The following AP3D1 variants were observed in gnomAD, a reference collection of about 807,000 sequenced individuals.
AP3D1 encodes adaptor related protein complex 3 subunit delta 1.
In AP3D1, 51 loss-of-function variants were observed where a neutral mutation model predicts 147.6. The ratio of observed to expected loss-of-function variants is 0.35; its 90% CI spans 0.28 to 0.44. The LOEUF (loss-of-function observed/expected upper bound fraction) is 0.44, where lower values mean the gene tolerates loss of function less well. AP3D1 is among the 20% of genes least tolerant of loss of function. The probability of loss-of-function intolerance (pLI) is 1.00; values close to 1 mark genes in which losing one functional copy is unlikely to be tolerated. For synonymous variants in AP3D1, 760 were observed against 663.0 expected (o/e 1.15, Z -2.25); for missense variants, 1,421 against 1,624.2 (o/e 0.87, Z 2.15).
intron 1 of AP3D1, among the ~76,000 whole-genome samples, chr19:2,161,974 C>A (rs1054051461): frequency 1.3e-5 from 2 of 149,944 alleles, no homozygotes; most frequent in African/African-American, 2.4e-5. Context: ...AATAAAAAGA[C>A]CAGCCTGGGT....
chr19:2,121,698 G>A (rs952597135), intron 12 of AP3D1, 36 bp downstream of exon 12: 5 of 1,542,556 alleles, frequency 3.2e-6, no homozygotes, highest in African/African-American at 2.8e-5. Context: ...AGAGAACTAA[G>A]GCCAGGCGGG....
chr19:2,130,546 C>G lies in AP3D1; in HGVS notation c.463-9G>C. ...GGCTTGGTGTGTGACATCTGCGGGGCAGCGGGCTTCAGCCTGCGCGGGCTT... is the reference window on the plus strand; with the variant it reads ...GGCTTGGTGTGTGACATCTGCGGGGGAGCGGGCTTCAGCCTGCGCGGGCTT... On this transcript the variant is annotated splice_polypyrimidine_tract_variant and intron_variant, in intron 5 of 31. Coordinates refer to ENST00000643116, the MANE Select transcript of AP3D1 (RefSeq NM_001261826.3). The G allele has an allele frequency of 6.2e-7, 1 of 1,613,610 alleles. No homozygotes were observed. The highest frequency in any genetic ancestry group is 1.1e-5 in the South Asian group (1 of 91,088).
At chr19:2,125,079 G>A (rs995499366) in intron 9 of AP3D1, among the ~76,000 whole-genome samples, 1 of 152,088 alleles carries the variant, frequency 6.6e-6, no homozygotes, top group Non-Finnish European at 1.5e-5. Context: ...AGAAATCACC[G>A]CTAAAGAACT....
chr19:2,129,741 G>A (rs1197557825), intron 6 of AP3D1, among the ~76,000 whole-genome samples: 9 of 152,340 alleles, frequency 5.9e-5, no homozygotes, highest in South Asian at 2.1e-4. Context: ...GCCTGACAGC[G>A]GCCCTCTGAG....
chr19:2,111,509 G>C, intron 25 of AP3D1, 170 bp downstream of exon 25: 1 of 1,202,400 alleles, frequency 8.3e-7, no homozygotes, highest in Non-Finnish European at 1.2e-6. Flanking sequence ...CCCACCACGG[G>C]GGTGCCTAAT....
chr19:2,111,590 T>C, intron 25 of AP3D1, 89 bp downstream of exon 25: 2 of 1,454,758 alleles, frequency 1.4e-6, no homozygotes, highest in East Asian at 2.5e-5. Flanking sequence ...TGCTCAGTTC[T>C]CTCCCGCATG....
rs1453784698 is a variant in AP3D1 at position 2,101,823 on chromosome 19, C to T, written c.*350G>A. 2 of 266,946 alleles carry T rather than the reference C, an allele frequency of 7.5e-6. No homozygotes were observed. The highest frequency in any genetic ancestry group is 2.3e-5 in the African/African-American group (1 of 43,806). The allele number at this position is 266,946 out of a possible 1,614,324, so 16.5% of individuals were successfully genotyped here. On this transcript the variant is annotated 3_prime_UTR_variant, in exon 32 of 32. Transcript: ENST00000643116. ...CGCCCTGTCCACCAAGTGCCCCTCA[C>T]GTGGTGCCCATCAGGCCCTGGCCCA...
intron 31 of AP3D1, among the ~76,000 whole-genome samples, chr19:2,102,803 C>T (rs1568269800): frequency 6.6e-6 from 1 of 151,224 alleles, no homozygotes; most frequent in Non-Finnish European, 1.5e-5. Flanking sequence ...AAAAATGTGC[C>T]GGGCATCGTG....
chr19:2,121,613 A>G, intron 12 of AP3D1, 121 bp downstream of exon 12: 2 of 1,367,380 alleles, frequency 1.5e-6, no homozygotes, highest in Non-Finnish European at 1.9e-6. Context: ...CTGCCCCACC[A>G]CACTAACTGA....
chr19:2,121,664 T>C, intron 12 of AP3D1, 70 bp downstream of exon 12: 1 of 1,515,392 alleles, frequency 6.6e-7, no homozygotes, highest in Non-Finnish European at 8.8e-7. Context: ...CACGTGGCTC[T>C]GCACCTGACA....
rs925756556 is a variant in AP3D1 at position 2,111,808 on chromosome 19, C to G, written c.2808G>C (p.Lys936Asn). 2.5e-6 allele frequency: 4 copies of G among 1,613,958 alleles called. No homozygotes were observed. The Admixed American group carries it at 6.7e-5, about 27-fold the overall frequency. The change falls in exon 25 of 32, where the codon AAG becomes AAC. Residue 936 changes from lysine to asparagine, a missense_variant. This residue lies in a region of AP3D1 where 791 missense variants were observed against 761.4 expected (regional missense o/e 1.04). Coordinates refer to ENST00000643116, the MANE Select transcript of AP3D1 (RefSeq NM_001261826.3). ...CCTCCTTCTCCTTCCTGTGCTTCTT[C>G]TTCTTAGGCTTGGGAGATTTCTGGA... Reference protein sequence around the residue: ...DQDKKSPKPKKKKHRKEKEER... With the variant: ...DQDKKSPKPKNKKHRKEKEER...
In AP3D1 at chr19:2,129,259, A is replaced by G. The variant is rs372793853; in HGVS notation, c.732+59T>C. 53 of 1,596,846 alleles carry G rather than the reference A, an allele frequency of 3.3e-5. No individual in the cohort carries two copies. The African/African-American group carries it at 5.6e-4, about 17-fold the overall frequency. ...CGGTCACCCGCAGGGAATGCCCCAC[A>G]CAGGGTGAGGGAATGCCCCACACAG... On this transcript the variant is annotated intron_variant, in intron 7 of 31. Transcript: ENST00000643116.
intron 1 of AP3D1, among the ~76,000 whole-genome samples, chr19:2,140,427 C>T (rs1045404302): frequency 1.3e-5 from 2 of 152,024 alleles, no homozygotes; most frequent in African/African-American, 2.4e-5. Context: ...ACGCTCGCCG[C>T]TGATGAATGG....
chr19:2,163,772 T>G (rs36065733), intron 1 of AP3D1, among the ~76,000 whole-genome samples: 70,818 of 150,832 alleles, frequency 0.47, 16,766 homozygotes, highest in Non-Finnish European at 0.49. Flanking sequence ...GTGCGTACGT[T>G]CGTGCGTGCG....
chr19:2,127,317 C>T (rs1038296973), intron 8 of AP3D1, 116 bp from the exon 9 acceptor site: 15 of 1,128,958 alleles, frequency 1.3e-5, no homozygotes, highest in African/African-American at 1.1e-4. Flanking sequence ...AGGGAGTGTG[C>T]CCCAGGAGGG....
At chr19:2,115,648 C>T (rs200177985) in intron 18 of AP3D1, 35 bp from the exon 19 acceptor site, 9 of 1,593,148 alleles carry the variant, frequency 5.6e-6, no homozygotes, top group East Asian at 4.5e-5. Context: ...ACCGGTGCAC[C>T]GAGGGGTGAC....
intron 1 of AP3D1, among the ~76,000 whole-genome samples, chr19:2,148,591 C>T (rs1262706019): frequency 3.3e-5 from 5 of 152,218 alleles, no homozygotes; most frequent in Admixed American, 1.3e-4. Context: ...CAGAAAACCG[C>T]GTGTCACTGC....
rs541531150 is a variant in AP3D1, at chr19:2,103,666, G to A, written c.3553-1398C>T. On this transcript the variant is annotated intron_variant, in intron 31 of 31. Transcript: ENST00000643116. The stretch of plus-strand genomic sequence containing the variant: ...CAGGAGAGGCTGGGCAGGTGGTGGT[G>A]TGCTTGGGGCCACAGTCCCCAGAAG... Among the ~76,000 whole-genome samples the A allele has an allele frequency of 3.3e-5, 5 of 152,316 alleles. No individual in the cohort carries two copies. In the East Asian group the frequency reaches 9.6e-4, roughly 29 times the overall value.
chr19:2,109,725 C>A, intron 29 of AP3D1, 148 bp downstream of exon 29: 1 of 743,860 alleles, frequency 1.3e-6, no homozygotes, highest in South Asian at 1.6e-5. Flanking sequence ...CACCAGGCAG[C>A]CTGACCTGCA....
Sources: allele counts gnomAD v4.1 joint callset (sites outside exome capture counted in the v4.1 genomes callset), GRCh38; gene constraint gnomAD v4.1.1; regional missense constraint gnomAD v4.1.1; transcripts MANE v1.5; gene names NCBI Gene and HGNC (gene_info 2026-07-23, HGNC 2026-07-21).